The following PCSK5 variants were observed in gnomAD, a reference collection of about 807,000 sequenced individuals.
PCSK5 encodes the protein proprotein convertase subtilisin/kexin type 5.
In PCSK5, 129 loss-of-function variants were observed where a neutral mutation model predicts 233.2. The ratio of observed to expected loss-of-function variants is 0.55; its 90% CI spans 0.48 to 0.64. The LOEUF (loss-of-function observed/expected upper bound fraction) is 0.64. Ranked by LOEUF, PCSK5 falls within the 30% of genes least tolerant of loss-of-function variation. The pLI, the probability that PCSK5 is intolerant of heterozygous loss-of-function variation, is 0.00. For missense variants in PCSK5, 2,076 were observed against 2,430.1 expected (o/e 0.85, Z 3.06); for synonymous variants, 825 against 879.2 (o/e 0.94, Z 1.09).
chr9:76,222,854 A>C (rs1587775521), intron 20 of PCSK5, among the ~76,000 whole-genome samples: 1 of 108,036 alleles, frequency 9.3e-6, no homozygotes, highest in South Asian at 3.5e-4. Flanking sequence ...ATAGCTGGCG[A>C]AAAAAACATA....
chr9:76,187,557 C>T (rs1824165430), intron 17 of PCSK5, among the ~76,000 whole-genome samples: 1 of 151,968 alleles, frequency 6.6e-6, no homozygotes. Flanking sequence ...GAGATGGCGT[C>T]TGACTGTGTT....
At chr9:76,255,170 C>A (rs1826942680) in intron 24 of PCSK5, among the ~76,000 whole-genome samples, 1 of 151,880 alleles carries the variant, frequency 6.6e-6, no homozygotes, top group Admixed American at 6.6e-5. Context: ...ACCTGTAGTC[C>A]CAGCTACTAG....
intron 3 of PCSK5, among the ~76,000 whole-genome samples, chr9:76,000,774 G>C (rs1827227141): frequency 6.6e-6 from 1 of 152,158 alleles, no homozygotes; most frequent in Admixed American, 6.5e-5. Context: ...TTTGGCTAGA[G>C]AGAGCCTATT....
At chr9:76,184,888 G>A in intron 17 of PCSK5, 131 bp downstream of exon 17, 1 of 522,782 alleles carries the variant, frequency 1.9e-6, no homozygotes, top group Non-Finnish European at 3.4e-6. Context: ...TCCCATTCAA[G>A]CACTTGATTG....
At chr9:76,081,328 C>A (rs1012992959) in intron 7 of PCSK5, among the ~76,000 whole-genome samples, 1 of 152,086 alleles carries the variant, frequency 6.6e-6, no homozygotes, top group Non-Finnish European at 1.5e-5. Flanking sequence ...GTAGCCCACA[C>A]CTGTAATGCC....
At chr9:76,197,979 G>A (rs896655687) in intron 20 of PCSK5, among the ~76,000 whole-genome samples, 1 of 152,208 alleles carries the variant, frequency 6.6e-6, no homozygotes, top group Non-Finnish European at 1.5e-5. Context: ...AGAACTACTT[G>A]GCACCTAGAA....
Position 76,189,212 on chromosome 9 carries a change from A to C in PCSK5, c.2499A>C (p.Lys833Asn). Reference sequence around the variant, plus strand: ...ACCACTCTTCAGAGAATGGATACAAATCCTGCAAAAAGTAAGTGGATCTGC... The same window carrying C: ...ACCACTCTTCAGAGAATGGATACAACTCCTGCAAAAAGTAAGTGGATCTGC... ...YFDHSSENGY[K>N]SCKKCDISCL... The change falls in exon 19 of 38, where the codon AAA (lysine) becomes AAC (asparagine). Residue 833 changes from lysine (K) to asparagine (N), a missense_variant. Around this residue, in one of 6 missense-constraint regions of PCSK5, gnomAD observed 1,510 missense variants for 1,538.1 expected, o/e 0.98. Coordinates refer to ENST00000674117, the MANE Select transcript of PCSK5 (RefSeq NM_001372043.1). 6.2e-7 allele frequency: 1 copy of C among 1,612,758 alleles called. No individual in the cohort carries two copies.
chr9:75,993,602 A>C (rs1755804107), intron 3 of PCSK5, among the ~76,000 whole-genome samples: 1 of 152,158 alleles, frequency 6.6e-6, no homozygotes, highest in Non-Finnish European at 1.5e-5. Context: ...AGATCCCAAG[A>C]CCACCTACAA....
At chr9:75,985,987 C>T in intron 2 of PCSK5, 145 bp from the exon 3 acceptor site, 2 of 591,478 alleles carry the variant, frequency 3.4e-6, no homozygotes. Flanking sequence ...AATCTCTGAG[C>T]ACTTAGACTC....
chr9:76,284,759 C>T (rs1196769517), intron 24 of PCSK5, among the ~76,000 whole-genome samples: 5 of 151,756 alleles, frequency 3.3e-5, no homozygotes, highest in Admixed American at 1.3e-4. Context: ...CTCAAACTCC[C>T]GACGTCAGGT....
At position 75,965,890 on chromosome 9, in the gene PCSK5, A is replaced by G. The variant is rs187324235; in HGVS notation, c.298-20242A>G. ...GAAGAACAATATCCTAAACTCTGCAACCACCACCCGAGGGCTACAGATTAC... is the reference window on the plus strand; with the variant it reads ...GAAGAACAATATCCTAAACTCTGCAGCCACCACCCGAGGGCTACAGATTAC... On this transcript the variant is annotated intron_variant, in intron 2 of 37. Transcript: ENST00000674117. Among the ~76,000 whole-genome samples the G allele has an allele frequency of 4.8e-3, 726 of 152,344 alleles. 11 individuals are homozygous for G. Among genetic ancestry groups the G allele is most frequent in the Non-Finnish European group, 3.4e-3 (234 of 68,034 alleles).
intron 12 of PCSK5, among the ~76,000 whole-genome samples, chr9:76,166,452 A>G (rs1212257182): frequency 6.6e-6 from 1 of 152,212 alleles, no homozygotes; most frequent in Non-Finnish European, 1.5e-5. Context: ...ATGACTTTCA[A>G]AGGTGGACAG....
chr9:76,258,140 C>T (rs1014196407), intron 24 of PCSK5, among the ~76,000 whole-genome samples: 4 of 152,140 alleles, frequency 2.6e-5, no homozygotes, highest in Admixed American at 1.3e-4. Context: ...ATGGCATTAT[C>T]TCCAGAGGGG....
At chr9:76,037,875 T>A (rs1828928604) in intron 5 of PCSK5, among the ~76,000 whole-genome samples, 1 of 152,112 alleles carries the variant, frequency 6.6e-6, no homozygotes, top group Non-Finnish European at 1.5e-5. Context: ...TTCTCCTGCA[T>A]CCCCTCCTTC....
chr9:76,327,870 C>T, intron 32 of PCSK5, 139 bp from the exon 33 acceptor site: 1 of 696,764 alleles, frequency 1.4e-6, no homozygotes, highest in Non-Finnish European at 2.6e-6. Flanking sequence ...CTCATGGCCC[C>T]ACACCATTGG....
At chr9:76,314,698 G>A (rs552940475) in intron 30 of PCSK5, among the ~76,000 whole-genome samples, 19 of 152,142 alleles carry the variant, frequency 1.2e-4, no homozygotes, top group Admixed American at 1.3e-4. Flanking sequence ...GTGCAATGGC[G>A]CGATCTCGGC....
At chr9:75,985,513 A>C (rs1361217722) in intron 2 of PCSK5, among the ~76,000 whole-genome samples, 6 of 152,196 alleles carry the variant, frequency 3.9e-5, no homozygotes, top group Non-Finnish European at 2.9e-5. Context: ...ATTAAAAAAA[A>C]AAATGATCCT....
intron 9 of PCSK5, among the ~76,000 whole-genome samples, chr9:76,118,160 T>A (rs998355333): frequency 1.3e-5 from 2 of 152,098 alleles, no homozygotes; most frequent in Non-Finnish European, 2.9e-5. Flanking sequence ...GCAATTGTTA[T>A]CAGTTTGTCT....
At chr9:75,970,653 A>G (rs1282938696) in intron 2 of PCSK5, among the ~76,000 whole-genome samples, 1 of 151,676 alleles carries the variant, frequency 6.6e-6, no homozygotes, top group Non-Finnish European at 1.5e-5. Flanking sequence ...ATGGAGTCTC[A>G]CTCTGTTGCC....
Sources: gnomAD v4.1 joint callset for allele counts (sites outside exome capture counted in the v4.1 genomes callset) on GRCh38, gnomAD v4.1.1 for gene constraint, gnomAD v4.1.1 regional missense constraint, MANE v1.5 for transcripts, NCBI Gene and HGNC (gene_info 2026-07-23, HGNC 2026-07-21) for gene names.